FRMD5: variants seen among roughly 807,000 people sequenced by gnomAD.
FRMD5 encodes the protein FERM domain-containing protein 5.
FRMD5 carries 20 observed loss-of-function variants against 69.0 expected under a neutral mutation model. The observed-to-expected ratio is 0.29, with a 90% confidence interval of 0.20 to 0.42. The LOEUF (loss-of-function observed/expected upper bound fraction) is 0.42. FRMD5 is among the 10% of genes least tolerant of loss of function. The probability of loss-of-function intolerance (pLI) is 1.00; values close to 1 mark genes in which losing one functional copy is unlikely to be tolerated. For missense variants in FRMD5, 595 were observed against 708.6 expected (o/e 0.84, Z 1.82); for synonymous variants, 271 against 260.1 (o/e 1.04, Z -0.40).
In FRMD5 at chr15:43,875,804, G is replaced by GTTTTTTTTTTTTT. The variant is rs34063043; in HGVS notation, c.1136-1355_1136-1343dup. On this transcript the variant is annotated intron_variant, in intron 13 of 13. Coordinates refer to ENST00000417257, the MANE Select transcript of FRMD5 (RefSeq NM_032892.5). ...TCTTGCCTTTGGTGTCCTGGGCCTA[G>GTTTTTTTTTTTTT]TTTTTTTTTTTTTTTTTTTTTTTCT... The GTTTTTTTTTTTTT allele has an allele frequency of 6.4e-4, 134 of 210,618 alleles. 10 individuals are homozygous for GTTTTTTTTTTTTT. The highest frequency in any genetic ancestry group is 1.3e-3 in the African/African-American group (28 of 20,964). 13.0% of individuals were successfully genotyped at this position (210,618 alleles called of 1,614,324 possible). A position where few individuals can be genotyped will look rare whatever the true frequency, so the allele number is the denominator to read the frequency against.
intron 1 of FRMD5, among the ~76,000 whole-genome samples, chr15:44,036,276 A>G (rs1455000857): frequency 2.6e-5 from 4 of 151,742 alleles, no homozygotes; most frequent in South Asian, 4.2e-4. Flanking sequence ...TCTTTTTTCA[A>G]TCTCTTCCAG....
intron 1 of FRMD5, among the ~76,000 whole-genome samples, chr15:43,967,050 C>A (rs1364013363): frequency 6.6e-6 from 1 of 152,062 alleles, no homozygotes; most frequent in Non-Finnish European, 1.5e-5. Flanking sequence ...TTGCTTCTGG[C>A]TGGAGCTGGT....
chr15:44,085,931 C>G (rs1894179747), intron 1 of FRMD5, among the ~76,000 whole-genome samples: 1 of 151,964 alleles, frequency 6.6e-6, no homozygotes, highest in Non-Finnish European at 1.5e-5. Flanking sequence ...GCCCAAATCA[C>G]TTAGCAACTG....
At chr15:44,145,679 TCA>T (rs1323332411) in intron 1 of FRMD5, among the ~76,000 whole-genome samples, 1 of 152,200 alleles carries the variant, frequency 6.6e-6, no homozygotes, top group African/African-American at 2.4e-5. Flanking sequence ...AGCATATTAC[TCA>T]CAGTTACAAT....
At chr15:44,178,564 T>C (rs939047285) in intron 1 of FRMD5, among the ~76,000 whole-genome samples, 1 of 152,124 alleles carries the variant, frequency 6.6e-6, no homozygotes, top group African/African-American at 2.4e-5. Flanking sequence ...AGAATTCCCC[T>C]TGGAATTCGG....
chr15:43,983,422 AT>A (rs958912992), intron 1 of FRMD5, among the ~76,000 whole-genome samples: 1 of 151,750 alleles, frequency 6.6e-6, no homozygotes, highest in African/African-American at 2.4e-5. Flanking sequence ...GGCTGTGAGG[AT>A]TTTTTTTCAG....
chr15:44,162,451 C>A (rs1256934012), intron 1 of FRMD5, among the ~76,000 whole-genome samples: 2 of 152,154 alleles, frequency 1.3e-5, no homozygotes, highest in East Asian at 3.8e-4. Context: ...TTGCCTAACA[C>A]TGCATTTCCT....
intron 1 of FRMD5, among the ~76,000 whole-genome samples, chr15:43,966,383 AAAAC>A (rs907744003): frequency 2.6e-5 from 4 of 151,866 alleles, no homozygotes; most frequent in East Asian, 1.9e-4. Flanking sequence ...CTAAAAAAAC[AAAAC>A]AAACAAACAA....
At chr15:43,924,627 G>A (rs1296059910) in intron 1 of FRMD5, among the ~76,000 whole-genome samples, 1 of 152,076 alleles carries the variant, frequency 6.6e-6, no homozygotes, top group Non-Finnish European at 1.5e-5. Context: ...ATGTCAGTGT[G>A]GAATACAGCA....
intron 1 of FRMD5, among the ~76,000 whole-genome samples, chr15:44,141,574 G>A (rs1188749974): frequency 6.6e-6 from 1 of 152,204 alleles, no homozygotes; most frequent in Non-Finnish European, 1.5e-5. Flanking sequence ...CCCTAAATGT[G>A]AAAAGCAAAA....
At chr15:44,106,858 C>G (rs946604524) in intron 1 of FRMD5, among the ~76,000 whole-genome samples, 1 of 152,190 alleles carries the variant, frequency 6.6e-6, no homozygotes, top group Non-Finnish European at 1.5e-5. Flanking sequence ...CATTCTCAAA[C>G]TTTTTGGTCT....
intron 1 of FRMD5, among the ~76,000 whole-genome samples, chr15:44,160,552 G>A (rs1026551516): frequency 6.6e-5 from 10 of 152,158 alleles, no homozygotes; most frequent in African/African-American, 2.4e-4. Context: ...CATACTGTTT[G>A]TATACTGCTT....
chr15:44,159,217 A>T (rs2077575009), intron 1 of FRMD5, among the ~76,000 whole-genome samples: 1 of 152,184 alleles, frequency 6.6e-6, no homozygotes, highest in South Asian at 2.1e-4. Flanking sequence ...TGAATTATAC[A>T]CTTAAAATGA....
At chr15:43,923,597 G>T (rs1281376660) in intron 2 of FRMD5, among the ~76,000 whole-genome samples, 1 of 152,214 alleles carries the variant, frequency 6.6e-6, no homozygotes, top group Non-Finnish European at 1.5e-5. Flanking sequence ...TGTCTGGCGG[G>T]ACCACAGCAG....
At chr15:43,947,604 C>A (rs1424463329) in intron 1 of FRMD5, among the ~76,000 whole-genome samples, 1 of 152,012 alleles carries the variant, frequency 6.6e-6, no homozygotes, top group Non-Finnish European at 1.5e-5. Flanking sequence ...GAAAGAAAGA[C>A]GGAGAGGGCA....
intron 1 of FRMD5, among the ~76,000 whole-genome samples, chr15:43,941,391 A>G (rs1197083216): frequency 6.6e-6 from 1 of 152,224 alleles, no homozygotes; most frequent in Admixed American, 6.5e-5. Flanking sequence ...CTAGCACTAC[A>G]GGTGGGTGTG....
At chr15:44,170,410 C>G (rs2077780966) in intron 1 of FRMD5, among the ~76,000 whole-genome samples, 1 of 152,010 alleles carries the variant, frequency 6.6e-6, no homozygotes, top group African/African-American at 2.4e-5. Context: ...CTAATCCCAG[C>G]TACACGGGAA....
chr15:44,181,197 A>G (rs113491639), intron 1 of FRMD5, among the ~76,000 whole-genome samples: 120 of 150,928 alleles, frequency 8.0e-4, no homozygotes, highest in African/African-American at 2.7e-3. Context: ...ATGCCACCAC[A>G]CCTAATTTTT....
At chr15:43,874,876 G>C (rs146924399) in intron 13 of FRMD5, among the ~76,000 whole-genome samples, 1 of 151,772 alleles carries the variant, frequency 6.6e-6, no homozygotes, top group Non-Finnish European at 1.5e-5. Flanking sequence ...CTCCATCCTC[G>C]GCAACAGAGT....
Sources: allele counts gnomAD v4.1 joint callset (sites outside exome capture counted in the v4.1 genomes callset), GRCh38; gene constraint gnomAD v4.1.1; transcripts MANE v1.5; gene names NCBI Gene and HGNC (gene_info 2026-07-23, HGNC 2026-07-21).